Variants in CHODL observed in about 807,000 individuals in gnomAD.
CHODL encodes the protein transmembrane protein MT75.
Under a neutral mutation model 34.5 loss-of-function variants are expected in CHODL, and 29 were observed. That is an observed-to-expected ratio of 0.84 (90% CI 0.63 to 1.15). The LOEUF is 1.15. Ranked by LOEUF, CHODL falls within the 50% of genes most tolerant of loss-of-function variation. CHODL has a pLI of 0.00. For synonymous variants in CHODL, 125 were observed against 116.1 expected (o/e 1.08, Z -0.49); for missense variants, 332 against 332.5 (o/e 1.00, Z 0.01).
At chr21:17,938,189 G>T (rs1415372065) in intron 1 of CHODL, among the ~76,000 whole-genome samples, 1 of 152,080 alleles carries the variant, frequency 6.6e-6, no homozygotes, top group Non-Finnish European at 1.5e-5. Flanking sequence ...ACTGGGTTTT[G>T]CCATGTTTGT....
intron 1 of CHODL, among the ~76,000 whole-genome samples, chr21:18,254,176 C>T (rs2074289401): frequency 6.6e-6 from 1 of 151,270 alleles, no homozygotes; most frequent in South Asian, 2.1e-4. Context: ...ATCTCCCCCA[C>T]CCCCAGAAAT....
At chr21:17,965,357 A>G (rs1380371032) in intron 1 of CHODL, among the ~76,000 whole-genome samples, 1 of 151,942 alleles carries the variant, frequency 6.6e-6, no homozygotes, top group African/African-American at 2.4e-5. Context: ...TCTTACCTCT[A>G]TCTCATCTTT....
intron 1 of CHODL, among the ~76,000 whole-genome samples, chr21:17,968,067 A>G (rs943946942): frequency 1.3e-5 from 2 of 152,218 alleles, no homozygotes; most frequent in Admixed American, 1.3e-4. Flanking sequence ...AGCAGCATTC[A>G]TGGCTAAATT....
chr21:18,141,079 A>T (rs2072795602), intron 2 of CHODL, among the ~76,000 whole-genome samples: 1 of 152,102 alleles, frequency 6.6e-6, no homozygotes. Flanking sequence ...ACAAAGACAA[A>T]AGCATAATGT....
chr21:18,141,575 G>A (rs2072803294), intron 2 of CHODL, among the ~76,000 whole-genome samples: 1 of 151,940 alleles, frequency 6.6e-6, no homozygotes, highest in South Asian at 2.1e-4. Context: ...ACTGAGAATT[G>A]GAGTTGACAG....
At chr21:18,164,626 G>T (rs146212334) in intron 2 of CHODL, among the ~76,000 whole-genome samples, 1 of 152,198 alleles carries the variant, frequency 6.6e-6, no homozygotes, top group Non-Finnish European at 1.5e-5. Flanking sequence ...ATTTTTGTGA[G>T]GATTAAACGA....
intron 2 of CHODL, among the ~76,000 whole-genome samples, chr21:18,227,702 A>G (rs2073943145): frequency 6.6e-6 from 1 of 152,196 alleles, no homozygotes; most frequent in Non-Finnish European, 1.5e-5. Flanking sequence ...GACATTATCT[A>G]ATACACACAG....
intron 2 of CHODL, among the ~76,000 whole-genome samples, chr21:18,067,246 T>G (rs1368410771): frequency 4.6e-5 from 7 of 152,262 alleles, no homozygotes; most frequent in Middle Eastern, 3.4e-3. Flanking sequence ...TCCAAAAAGG[T>G]ATGTTGAAAT....
At chr21:17,928,900 A>G (rs1013753087) in intron 1 of CHODL, among the ~76,000 whole-genome samples, 21 of 152,230 alleles carry the variant, frequency 1.4e-4, no homozygotes, top group Non-Finnish European at 2.8e-4. Flanking sequence ...CTGTATTTCA[A>G]TTTTTATTCT....
intron 2 of CHODL, among the ~76,000 whole-genome samples, chr21:18,055,583 G>T (rs2064568829): frequency 2.0e-5 from 3 of 152,026 alleles, no homozygotes; most frequent in Admixed American, 2.0e-4. Flanking sequence ...AGTAAAGTAT[G>T]AGAAAAACAG....
intron 1 of CHODL, among the ~76,000 whole-genome samples, chr21:18,001,842 A>G (rs932848161): frequency 6.6e-6 from 1 of 151,376 alleles, no homozygotes; most frequent in Non-Finnish European, 1.5e-5. Context: ...TCACAAAAGA[A>G]AAGCCTAGGC....
intron 1 of CHODL, among the ~76,000 whole-genome samples, chr21:17,987,281 T>G (rs543164323): frequency 6.6e-6 from 1 of 152,166 alleles, no homozygotes; most frequent in Admixed American, 6.5e-5. Flanking sequence ...GACATCAGTA[T>G]AATCATTTTT....
intron 2 of CHODL, among the ~76,000 whole-genome samples, chr21:18,237,928 A>C (rs2074044324): frequency 6.6e-6 from 1 of 152,142 alleles, no homozygotes; most frequent in Non-Finnish European, 1.5e-5. Flanking sequence ...ATACGCCCAC[A>C]ATTTTAACAG....
intron 2 of CHODL, among the ~76,000 whole-genome samples, chr21:18,077,607 G>A (rs2064881685): frequency 6.6e-6 from 1 of 152,126 alleles, no homozygotes; most frequent in Non-Finnish European, 1.5e-5. Context: ...AAGCTTTCAC[G>A]GATGAGATTA....
At chr21:18,108,376 T>C (rs1446499785) in intron 2 of CHODL, among the ~76,000 whole-genome samples, 1 of 152,176 alleles carries the variant, frequency 6.6e-6, no homozygotes, top group Non-Finnish European at 1.5e-5. Context: ...AATATTTTCT[T>C]TCTTATCCCT....
intron 1 of CHODL, among the ~76,000 whole-genome samples, chr21:17,996,474 T>A (rs2063850376): frequency 6.6e-6 from 1 of 152,164 alleles, no homozygotes; most frequent in Non-Finnish European, 1.5e-5. Context: ...GGTTAACAAC[T>A]GCTCAGTCTA....
chr21:18,071,054 A>G (rs548601780), intron 2 of CHODL, among the ~76,000 whole-genome samples: 4 of 151,214 alleles, frequency 2.6e-5, no homozygotes, highest in African/African-American at 7.3e-5. Context: ...TTGAATATAT[A>G]TATTTTTTCA....
chr21:18,070,025 T>TTCCCTTCCCTTCCC (rs1555860424), intron 2 of CHODL, among the ~76,000 whole-genome samples: 28 of 29,130 alleles, frequency 9.6e-4, no homozygotes, highest in Non-Finnish European at 2.0e-3. Flanking sequence ...TTCCCTTCCC[T>TTCCCTTCCCTTCCC]CCCCCCCCCC....
intron 1 of CHODL, among the ~76,000 whole-genome samples, chr21:17,979,163 A>G (rs140896730): frequency 4.3e-4 from 66 of 152,314 alleles, no homozygotes; most frequent in Non-Finnish European, 7.6e-4. Flanking sequence ...GTAATGTAGC[A>G]TATTCTTAAA....
Sources: allele counts gnomAD v4.1 joint callset (sites outside exome capture counted in the v4.1 genomes callset), GRCh38; gene constraint gnomAD v4.1.1; transcripts MANE v1.5; gene names NCBI Gene and HGNC (gene_info 2026-07-23, HGNC 2026-07-21).